Variants in CLEC16A observed in about 807,000 individuals in gnomAD.
CLEC16A encodes the protein protein CLEC16A.
Under a neutral mutation model 109.5 loss-of-function variants are expected in CLEC16A, and 51 were observed. That is an observed-to-expected ratio of 0.47 (90% CI 0.37 to 0.59). The LOEUF (loss-of-function observed/expected upper bound fraction) is 0.59, where lower values mean the gene tolerates loss of function less well. Ranked by LOEUF, CLEC16A falls within the 20% of genes least tolerant of loss-of-function variation. The probability of loss-of-function intolerance (pLI) is 0.00; values close to 1 mark genes in which losing one functional copy is unlikely to be tolerated. For missense variants in CLEC16A, 1,339 were observed against 1,394.0 expected (o/e 0.96, Z 0.63); for synonymous variants, 673 against 564.2 (o/e 1.19, Z -2.73).
chr16:11,046,808 A>T (rs1004257652), intron 16 of CLEC16A, among the ~76,000 whole-genome samples: 5 of 152,196 alleles, frequency 3.3e-5, no homozygotes, highest in African/African-American at 4.8e-5. Context: ...TAACCCCGAA[A>T]GCACTCCTCA....
At chr16:11,153,664 T>C (rs1230454714) in intron 22 of CLEC16A, among the ~76,000 whole-genome samples, 1 of 151,626 alleles carries the variant, frequency 6.6e-6, no homozygotes, top group African/African-American at 2.4e-5. Flanking sequence ...GGAAAAGCAT[T>C]CCTTCTGGGG....
chr16:11,101,624 A>G (rs920636768), intron 19 of CLEC16A, among the ~76,000 whole-genome samples: 2 of 152,190 alleles, frequency 1.3e-5, no homozygotes, highest in Non-Finnish European at 2.9e-5. Context: ...TAGTGAGCAC[A>G]TACCGTGTGC....
At chr16:10,998,947 C>G (rs1023229817) in intron 10 of CLEC16A, among the ~76,000 whole-genome samples, 2 of 152,184 alleles carry the variant, frequency 1.3e-5, no homozygotes, top group Admixed American at 6.5e-5. Context: ...CCAAATTCTA[C>G]CAGCCTCTGC....
intron 11 of CLEC16A, among the ~76,000 whole-genome samples, 178 bp from the exon 12 acceptor site, chr16:11,020,015 C>G (rs777960477): frequency 4.6e-5 from 7 of 152,244 alleles, no homozygotes; most frequent in Non-Finnish European, 1.0e-4. Flanking sequence ...AAGAGAGGCT[C>G]TGGCCTCTGT....
At chr16:11,029,875 C>T (rs1178590785) in intron 13 of CLEC16A, among the ~76,000 whole-genome samples, 1 of 152,118 alleles carries the variant, frequency 6.6e-6, no homozygotes, top group Non-Finnish European at 1.5e-5. Flanking sequence ...TTCCTCATTC[C>T]CCTCCCTTGC....
At chr16:11,151,376 T>C (rs1193841594) in intron 22 of CLEC16A, among the ~76,000 whole-genome samples, 1 of 152,226 alleles carries the variant, frequency 6.6e-6, no homozygotes, top group African/African-American at 2.4e-5. Flanking sequence ...TGGTCACACC[T>C]GGGCCCTTGT....
At chr16:11,052,811 C>T (rs574055423) in intron 18 of CLEC16A, among the ~76,000 whole-genome samples, 1 of 152,206 alleles carries the variant, frequency 6.6e-6, no homozygotes, top group African/African-American at 2.4e-5. Flanking sequence ...TGGGAGATCC[C>T]CCCGCACCCC....
intron 19 of CLEC16A, among the ~76,000 whole-genome samples, chr16:11,065,185 T>G (rs2048695884): frequency 6.6e-6 from 1 of 152,174 alleles, no homozygotes; most frequent in Non-Finnish European, 1.5e-5. Flanking sequence ...ACAGATTCCT[T>G]GGGATTGACC....
At chr16:10,986,780 ATTTTCT>A (rs2043692647) in intron 10 of CLEC16A, among the ~76,000 whole-genome samples, 1 of 142,534 alleles carries the variant, frequency 7.0e-6, no homozygotes, top group African/African-American at 2.8e-5. Flanking sequence ...AATATACCAC[ATTTTCT>A]TTTTCTTTCT....
intron 23 of CLEC16A, among the ~76,000 whole-genome samples, chr16:11,169,495 C>G (rs2068414777): frequency 6.6e-6 from 1 of 152,280 alleles, no homozygotes; most frequent in South Asian, 2.1e-4. Context: ...CCATGTTGGC[C>G]AGGCTGGTCT....
At chr16:10,968,210 C>T (rs2042606522) in intron 3 of CLEC16A, among the ~76,000 whole-genome samples, 1 of 152,220 alleles carries the variant, frequency 6.6e-6, no homozygotes, top group African/African-American at 2.4e-5. Context: ...TGGCAAGGGC[C>T]CAACACTGAG....
At chr16:11,123,546 C>T (rs2052583821) in intron 20 of CLEC16A, among the ~76,000 whole-genome samples, 196 bp from the exon 21 acceptor site, 1 of 152,220 alleles carries the variant, frequency 6.6e-6, no homozygotes, top group African/African-American at 2.4e-5. Context: ...CCTCCTCCCA[C>T]ACTGTCCTCT....
rs1369105962 is a variant in CLEC16A, at chr16:11,174,181, G to A, written c.2807-4154G>A. On this transcript the variant is annotated intron_variant, in intron 23 of 23. Transcript: ENST00000409790. The surrounding 1 kb of genome is among the most constrained non-coding windows in gnomAD (Gnocchi z 4.7). ...AGGAGTGGCAGGAAAGGACGCCGAC[G>A]AGTGTTCAGCCTGTCGGAGGCCGAC... 16 of 469,856 alleles carry A rather than the reference G, an allele frequency of 3.4e-5. No homozygotes were observed. The highest frequency in any genetic ancestry group is 6.9e-5 in the East Asian group (1 of 14,408). 29.1% of individuals were successfully genotyped at this position (469,856 alleles called of 1,614,324 possible). A position where few individuals can be genotyped will look rare whatever the true frequency, so the allele number is the denominator to read the frequency against.
At chr16:11,027,161 G>A in intron 13 of CLEC16A, 6 of 1,427,354 alleles carry the variant, frequency 4.2e-6, no homozygotes, top group Non-Finnish European at 5.9e-6. Flanking sequence ...AAGGAAAAGG[G>A]CTCAGGTTTA....
chr16:11,036,544 C>CTTTTTTTTTTTTTTT (rs71404440), intron 13 of CLEC16A, among the ~76,000 whole-genome samples: 1 of 131,902 alleles, frequency 7.6e-6, no homozygotes, highest in African/African-American at 2.9e-5. Flanking sequence ...TCTAATTTTC[C>CTTTTTTTTTTTTTTT]TTTTTTTTTT....
chr16:10,985,018 G>A (rs370490397), intron 10 of CLEC16A, among the ~76,000 whole-genome samples: 4 of 151,858 alleles, frequency 2.6e-5, no homozygotes, highest in South Asian at 2.1e-4. Flanking sequence ...TGGCTAACAC[G>A]GTGAAACCCC....
intron 22 of CLEC16A, among the ~76,000 whole-genome samples, chr16:11,155,391 C>A (rs925839888): frequency 3.9e-5 from 6 of 152,222 alleles, no homozygotes; most frequent in African/African-American, 1.4e-4. Context: ...ACCACCGTAT[C>A]CTGTAGCCAG....
chr16:10,946,866 C>G (rs1053350845), intron 1 of CLEC16A, among the ~76,000 whole-genome samples: 2 of 152,178 alleles, frequency 1.3e-5, no homozygotes, highest in South Asian at 2.1e-4. Flanking sequence ...GTGACTTGCC[C>G]CCAGGTGTCA....
At chr16:11,011,788 A>G (rs1197265395) in intron 11 of CLEC16A, among the ~76,000 whole-genome samples, 2 of 152,072 alleles carry the variant, frequency 1.3e-5, no homozygotes, top group East Asian at 1.9e-4. Context: ...TTTAGAAATC[A>G]TATGTTCATA....
Sources: allele counts gnomAD v4.1 joint callset (sites outside exome capture counted in the v4.1 genomes callset), GRCh38; gene constraint gnomAD v4.1.1; non-coding constraint Gnocchi (gnomAD v3.1); transcripts MANE v1.5; gene names NCBI Gene and HGNC (gene_info 2026-07-23, HGNC 2026-07-21).